The following LGMN variants were observed in gnomAD, a reference collection of about 807,000 sequenced individuals.
The protein encoded by LGMN is asparaginyl endopeptidase.
Under a neutral mutation model 56.8 loss-of-function variants are expected in LGMN, and 36 were observed. The observed-to-expected ratio is 0.63, with a 90% CI of 0.49 to 0.84. The LOEUF (loss-of-function observed/expected upper bound fraction) is 0.84, where lower values mean the gene tolerates loss of function less well. Ranked by LOEUF, LGMN falls within the 40% of genes least tolerant of loss-of-function variation. LGMN has a pLI of 0.00. For missense variants in LGMN, 446 were observed against 556.1 expected, an observed-to-expected ratio of 0.80 and a Z score of 1.99; for synonymous variants, 199 against 210.1, an observed-to-expected ratio of 0.95 and a Z score of 0.46.
chr14:92,709,624 C>G, intron 11 of LGMN, 48 bp downstream of exon 11: 1 of 1,524,212 alleles, frequency 6.6e-7, no homozygotes, highest in Non-Finnish European at 9.1e-7. Context: ...TGCTGCCCAC[C>G]TGGGCTGGGG....
Position 92,708,834 on chromosome 14 carries a change from C to T in LGMN, c.1020+838G>A, listed in dbSNP as rs376430444. 4.1e-5 allele frequency among the ~76,000 whole-genome samples: 5 copies of T among 120,836 alleles called. No individual in the cohort carries two copies. In the East Asian group the frequency reaches 7.1e-4, roughly 17 times the overall value. The allele number at this position is 120,836 out of a possible 152,430, so 79.3% of individuals were successfully genotyped here. On this transcript the variant is annotated intron_variant, in intron 11 of 13. Transcript: ENST00000334869. Reference sequence around the variant, plus strand: ...ATCACACCACTGCATTCCAGCCTGGCGACAGAGCAAGACTCTTGTCTCAAA... The same window carrying T: ...ATCACACCACTGCATTCCAGCCTGGTGACAGAGCAAGACTCTTGTCTCAAA...
intron 2 of LGMN, among the ~76,000 whole-genome samples, chr14:92,721,340 G>A (rs2140239005): frequency 6.6e-6 from 1 of 152,334 alleles, no homozygotes; most frequent in African/African-American, 2.4e-5. Context: ...GCTGCAGGCA[G>A]TGTCTAAAAG....
chr14:92,711,897 C>T lies in LGMN; in HGVS notation c.669G>A (p.Glu223=). The change falls in exon 9 of 14, where the codon GAG becomes GAA. Residue 223 remains glutamate (E), a synonymous_variant. Coordinates refer to ENST00000334869, the MANE Select transcript of LGMN (RefSeq NM_005606.7). ...AGTCCCCCAGGTACGTGGACCTCTT[C>T]TCATCATAGTAACAGGCGTAGGACG... ...RESSYACYYD[E]KRSTYLGDWY... is the part of the protein sequence containing the mutation. The T allele has an allele frequency of 1.9e-6, 3 of 1,614,210 alleles. No homozygotes were observed. Among genetic ancestry groups the T allele is most frequent in the Non-Finnish European group, 2.5e-6 (3 of 1,180,020 alleles).
intron 2 of LGMN, among the ~76,000 whole-genome samples, chr14:92,730,560 G>A (rs1478737649): frequency 6.6e-6 from 1 of 152,094 alleles, no homozygotes; most frequent in East Asian, 1.9e-4. Context: ...CAGAGTAGCT[G>A]GGACTACAAG....
chr14:92,714,029 T>C lies in LGMN; in HGVS notation c.481-144A>G. On this transcript the variant is annotated intron_variant, in intron 6 of 13. Transcript: ENST00000334869. This position sits in a 1 kb window ranked among gnomAD's most constrained non-coding sequence, Gnocchi z 5.1. Reference sequence around the variant, plus strand: ...CATGGTGAAGAACATAACCCCAGAATGTCGTCACATGTTTTATGCACGCAT... The same window carrying C: ...CATGGTGAAGAACATAACCCCAGAACGTCGTCACATGTTTTATGCACGCAT... 1 of 708,438 alleles carries C rather than the reference T, an allele frequency of 1.4e-6. No homozygotes were observed. Among genetic ancestry groups the C allele is most frequent in the Non-Finnish European group, 2.5e-6 (1 of 395,484 alleles). 43.9% of individuals were successfully genotyped at this position (708,438 alleles called of 1,614,324 possible).
chr14:92,716,329 T>C (rs540830716), intron 4 of LGMN, 108 bp from the exon 5 acceptor site: 2 of 816,864 alleles, frequency 2.4e-6, no homozygotes, highest in South Asian at 1.3e-5. Flanking sequence ...CCAAGGCTCA[T>C]GGCTTAACAG....
chr14:92,731,203 C>A (rs953017150), intron 2 of LGMN, among the ~76,000 whole-genome samples: 1 of 152,126 alleles, frequency 6.6e-6, no homozygotes, highest in South Asian at 2.1e-4. Flanking sequence ...CTGTGTAAAG[C>A]GCTCTTAGAA....
intron 10 of LGMN, 28 bp downstream of exon 10, chr14:92,711,630 AG>A: frequency 6.3e-7 from 1 of 1,587,370 alleles, no homozygotes; most frequent in Non-Finnish European, 8.7e-7. Flanking sequence ...CAAGGAACAG[AG>A]GGCCAGCACG....
intron 11 of LGMN, among the ~76,000 whole-genome samples, chr14:92,708,101 A>G (rs1889540446): frequency 1.3e-5 from 2 of 151,380 alleles, no homozygotes; most frequent in African/African-American, 4.9e-5. Flanking sequence ...CAGTGAGCTG[A>G]GATCATGCCA....
rs58813848 is a variant in LGMN at position 92,708,856 on chromosome 14, C to CAAAAAAAAAAAAAAAA, written c.1020+800_1020+815dup. Among the ~76,000 whole-genome samples, 228 of 71,626 alleles carry CAAAAAAAAAAAAAAAA rather than the reference C, an allele frequency of 3.2e-3. 13 individuals carry two copies. The highest frequency in any genetic ancestry group is 5.5e-3 in the Non-Finnish European group (198 of 35,954). 47.0% of individuals were successfully genotyped at this position (71,626 alleles called of 152,430 possible). ...TGGCGACAGAGCAAGACTCTTGTCT[C>CAAAAAAAAAAAAAAAA]AAAAAAAAAAAAAAAAAAAAAAAAA... is the stretch of plus-strand genomic sequence containing the variant. On this transcript the variant is annotated intron_variant, in intron 11 of 13. Transcript: ENST00000334869.
At chr14:92,717,247 C>T (rs1890116008) in intron 4 of LGMN, 133 bp downstream of exon 4, 3 of 574,582 alleles carry the variant, frequency 5.2e-6, no homozygotes, top group East Asian at 2.6e-5. Context: ...AGGCAAAAAT[C>T]CTAATACGAA....
intron 4 of LGMN, 134 bp from the exon 5 acceptor site, chr14:92,716,355 G>A (rs998216221): frequency 3.2e-5 from 23 of 708,178 alleles, no homozygotes; most frequent in Admixed American, 1.4e-4. Context: ...ACTTTTGGTC[G>A]GGTGCCGTGG....
chr14:92,725,842 T>C (rs1218975156), intron 2 of LGMN, among the ~76,000 whole-genome samples: 1 of 152,060 alleles, frequency 6.6e-6, no homozygotes, highest in Non-Finnish European at 1.5e-5. Flanking sequence ...CCCAAAGTGA[T>C]GAAATTACAG....
At chr14:92,719,635 A>G (rs1890357447) in intron 2 of LGMN, among the ~76,000 whole-genome samples, 1 of 152,206 alleles carries the variant, frequency 6.6e-6, no homozygotes, top group Non-Finnish European at 1.5e-5. Flanking sequence ...CTGACTGAAC[A>G]CTCAAAAGTC....
intron 2 of LGMN, among the ~76,000 whole-genome samples, chr14:92,723,370 C>T (rs971106816): frequency 2.6e-5 from 4 of 152,080 alleles, no homozygotes; most frequent in Admixed American, 2.0e-4. Context: ...TAAGTACCTA[C>T]CCAAGAGAAA....
Position 92,718,781 on chromosome 14 carries a change from C to T in LGMN, c.202G>A (p.Val68Met), listed in dbSNP as rs1890200196. Residue 68 changes from valine to methionine, a missense_variant, in exon 3 of 14, where the codon GTG (valine) becomes ATG (methionine). Transcript: ENST00000334869. ...TAAGCAATGTCATCGTACATCATCACAACGATCTGTTCGTCAGGAATCCCA... is the reference window on the plus strand; with the variant it reads ...TAAGCAATGTCATCGTACATCATCATAACGATCTGTTCGTCAGGAATCCCA... Reference protein sequence around the residue: ...RNGIPDEQIVVMMYDDIAYSE... With the variant: ...RNGIPDEQIVMMMYDDIAYSE... 1 of 1,613,254 alleles carries T rather than the reference C, an allele frequency of 6.2e-7. No homozygotes were observed. The highest frequency in any genetic ancestry group is 2.2e-5 in the East Asian group (1 of 44,848).
chr14:92,736,594 TTAAA>T (rs1891319783), intron 1 of LGMN, among the ~76,000 whole-genome samples: 1 of 152,146 alleles, frequency 6.6e-6, no homozygotes, highest in Non-Finnish European at 1.5e-5. Context: ...AGACCCTGTC[TTAAA>T]TAAATAAATA....
intron 2 of LGMN, among the ~76,000 whole-genome samples, chr14:92,731,105 C>T (rs1445955716): frequency 6.6e-6 from 1 of 152,162 alleles, no homozygotes; most frequent in Non-Finnish European, 1.5e-5. Context: ...AACTACTGAC[C>T]TTGCCTATGC....
chr14:92,732,039 CAG>C (rs139048782), intron 2 of LGMN, among the ~76,000 whole-genome samples: 3,437 of 152,202 alleles, frequency 0.023, 136 homozygotes, highest in African/African-American at 0.079. Flanking sequence ...AGCAGTAGGG[CAG>C]AGAGGCCTGG....
Sources: gnomAD v4.1 joint callset for allele counts (sites outside exome capture counted in the v4.1 genomes callset) on GRCh38, gnomAD v4.1.1 for gene constraint, Gnocchi (gnomAD v3.1) non-coding constraint, MANE v1.5 for transcripts, NCBI Gene and HGNC (gene_info 2026-07-23, HGNC 2026-07-21) for gene names.